The following RAB3B variants were observed in gnomAD, a reference collection of about 807,000 sequenced individuals.
The protein encoded by RAB3B is ras-related protein Rab-3B.
Under a neutral mutation model 20.5 loss-of-function variants are expected in RAB3B, and 11 were observed. The ratio of observed to expected loss-of-function variants is 0.54; its 90% CI spans 0.34 to 0.89. The LOEUF (loss-of-function observed/expected upper bound fraction) is 0.89, where lower values mean the gene tolerates loss of function less well. Among genes scored for constraint, RAB3B ranks in the 40% least tolerant of loss-of-function variants. RAB3B has a pLI of 0.02. For missense variants in RAB3B, 225 were observed against 280.9 expected, an observed-to-expected ratio of 0.80 and a Z score of 1.42; for synonymous variants, 99 against 106.3, an observed-to-expected ratio of 0.93 and a Z score of 0.42.
rs76765191 is a variant in RAB3B, at chr1:51,938,042, G to T, written c.229-630C>A. On this transcript the variant is annotated intron_variant, in intron 2 of 4. Coordinates refer to ENST00000371655, the MANE Select transcript of RAB3B (RefSeq NM_002867.4). ...TTTTAAGACAAAGCCTTACTCTGTT[G>T]CCCAGGCTGAGAGCCCTGGCACAAT... Among the ~76,000 whole-genome samples the T allele has an allele frequency of 1.2e-3, 125 of 106,960 alleles. 2 individuals are homozygous for T. The East Asian group carries it at 0.031, about 27-fold the overall frequency. The allele number at this position is 106,960 out of a possible 152,430, so 70.2% of individuals were successfully genotyped here.
intron 4 of RAB3B, among the ~76,000 whole-genome samples, chr1:51,932,218 C>A (rs1220483868): frequency 6.6e-6 from 1 of 152,038 alleles, no homozygotes; most frequent in Non-Finnish European, 1.5e-5. Flanking sequence ...ACCTATAAGC[C>A]CAAATATCTG....
chr1:51,979,457 G>A (rs539861231), intron 1 of RAB3B, among the ~76,000 whole-genome samples: 1 of 151,868 alleles, frequency 6.6e-6, no homozygotes, highest in African/African-American at 2.4e-5. Context: ...TTTTAGTAGA[G>A]ACGGGGTTTT....
chr1:51,912,575 AT>A lies in RAB3B; in HGVS notation c.*7351del, dbSNP rs56281703. 1 of 87,928 alleles carries A rather than the reference AT, an allele frequency of 1.1e-5. No individual in the cohort carries two copies. The highest frequency in any genetic ancestry group is 1.2e-4 in the Admixed American group (1 of 8,110). 5.4% of individuals were successfully genotyped at this position (87,928 alleles called of 1,614,324 possible). ...AAAAAATATATATATATATATATAT[AT>A]ATATATATATATATATATATATATA... On this transcript the variant is annotated 3_prime_UTR_variant, in exon 5 of 5. Coordinates refer to ENST00000371655, the MANE Select transcript of RAB3B (RefSeq NM_002867.4).
At position 51,966,406 on chromosome 1, in the gene RAB3B, A is replaced by T. The variant is rs898066854; in HGVS notation, c.228+10484T>A. ...CTCGCATATAATATGTACATGACAC[A>T]TGTTTATTGAATGGATTAATGAATA... On this transcript the variant is annotated intron_variant, in intron 2 of 4. Coordinates refer to ENST00000371655, the MANE Select transcript of RAB3B (RefSeq NM_002867.4). Among the ~76,000 whole-genome samples the T allele has an allele frequency of 2.6e-5, 4 of 152,164 alleles. No individual in the cohort carries two copies. In the East Asian group the frequency reaches 7.7e-4, roughly 29 times the overall value.
chr1:51,945,812 T>C (rs1323836715), intron 2 of RAB3B, among the ~76,000 whole-genome samples: 1 of 152,170 alleles, frequency 6.6e-6, no homozygotes, highest in Non-Finnish European at 1.5e-5. Context: ...ACATGACCTG[T>C]TAGAAAGAGA....
chr1:51,921,494 TC>T (rs765654183), intron 4 of RAB3B, among the ~76,000 whole-genome samples: 12 of 152,102 alleles, frequency 7.9e-5, no homozygotes, highest in Non-Finnish European at 1.8e-4. Context: ...GCCTCTCATT[TC>T]TTCCCCCTTT....
chr1:51,986,609 T>G (rs2124322797), intron 1 of RAB3B, among the ~76,000 whole-genome samples: 1 of 151,936 alleles, frequency 6.6e-6, no homozygotes, highest in South Asian at 2.1e-4. Flanking sequence ...TGAGACCCTA[T>G]CTCTAAAAAT....
intron 3 of RAB3B, among the ~76,000 whole-genome samples, chr1:51,934,005 C>T (rs970303075): frequency 1.3e-5 from 2 of 152,174 alleles, no homozygotes; most frequent in African/African-American, 4.8e-5. Context: ...TTTTTGAAGT[C>T]CACCTCTACC....
At position 51,918,366 on chromosome 1, in the gene RAB3B, G is replaced by A. The variant is rs1243257984; in HGVS notation, c.*1561C>T. Reference sequence around the variant, plus strand: ...GAGGAAAAGGGCAGGATAGGGAGAAGACCCTATGAAGAACAGCAGATGGAA... The same window carrying A: ...GAGGAAAAGGGCAGGATAGGGAGAAAACCCTATGAAGAACAGCAGATGGAA... On this transcript the variant is annotated 3_prime_UTR_variant, in exon 5 of 5. Transcript: ENST00000371655. The A allele has an allele frequency of 6.6e-6, 1 of 152,230 alleles. No homozygotes were observed. Among genetic ancestry groups the A allele is most frequent in the Non-Finnish European group, 1.5e-5 (1 of 68,056 alleles). The allele number at this position is 152,230 out of a possible 1,614,324, so 9.4% of individuals were successfully genotyped here. A position where few individuals can be genotyped will look rare whatever the true frequency, so the allele number is the denominator to read the frequency against.
At chr1:51,956,698 A>G (rs368378128) in intron 2 of RAB3B, among the ~76,000 whole-genome samples, 1 of 152,122 alleles carries the variant, frequency 6.6e-6, no homozygotes, top group South Asian at 2.1e-4. Context: ...TACCATTCCA[A>G]TTCAGCTCAA....
In RAB3B at chr1:51,912,579, A is replaced by T. The variant is rs1571951403; in HGVS notation, c.*7348T>A. The T allele has an allele frequency of 2.1e-5, 2 of 96,550 alleles. 1 individual carries two copies. Among genetic ancestry groups the T allele is most frequent in the Non-Finnish European group, 4.1e-5 (2 of 48,674 alleles). The allele number at this position is 96,550 out of a possible 1,614,324, so 6.0% of individuals were successfully genotyped here. ...AATATATATATATATATATATATATATATATATATATATATATATATAAAA... is the reference window on the plus strand; with the variant it reads ...AATATATATATATATATATATATATTTATATATATATATATATATATAAAA... On this transcript the variant is annotated 3_prime_UTR_variant, in exon 5 of 5. Transcript: ENST00000371655.
intron 4 of RAB3B, among the ~76,000 whole-genome samples, chr1:51,932,140 C>T (rs1251234395): frequency 6.6e-6 from 1 of 152,170 alleles, no homozygotes; most frequent in Non-Finnish European, 1.5e-5. Context: ...AACACACACA[C>T]ACCCACATAC....
chr1:51,976,950 G>A lies in RAB3B; in HGVS notation c.168C>T (p.Gly56=). 6.2e-7 allele frequency: 1 copy of A among 1,614,182 alleles called. No homozygotes were observed. Among genetic ancestry groups the A allele is most frequent in the Non-Finnish European group, 8.5e-7 (1 of 1,180,044 alleles). The stretch of plus-strand genomic sequence containing the variant: ...AGACTGTCTTCACCTTGAAGTCGAT[G>A]CCCACGGTGCTAACGAAGGCTGGGG... ...TFTPAFVSTV[G]IDFKVKTVYR... Residue 56 remains glycine, a synonymous_variant, in exon 2 of 5, where the codon GGC becomes GGT. Coordinates refer to ENST00000371655, the MANE Select transcript of RAB3B (RefSeq NM_002867.4).
intron 2 of RAB3B, among the ~76,000 whole-genome samples, chr1:51,972,105 G>A (rs1180090412): frequency 6.6e-6 from 1 of 152,176 alleles, no homozygotes; most frequent in East Asian, 1.9e-4. Flanking sequence ...AACCCGGGAG[G>A]TGGAGGTTGC....
chr1:51,976,024 T>A (rs1321199671), intron 2 of RAB3B, among the ~76,000 whole-genome samples: 7 of 151,358 alleles, frequency 4.6e-5, no homozygotes, highest in Non-Finnish European at 1.5e-5. Context: ...AGCTCCAGTG[T>A]ATGTTTCAGA....
At chr1:51,975,863 G>C (rs1685002080) in intron 2 of RAB3B, among the ~76,000 whole-genome samples, 1 of 152,054 alleles carries the variant, frequency 6.6e-6, no homozygotes, top group South Asian at 2.1e-4. Flanking sequence ...ATGGTGGCGG[G>C]CACCTGTAGT....
At chr1:51,940,733 G>A (rs1287292634) in intron 2 of RAB3B, among the ~76,000 whole-genome samples, 4 of 152,226 alleles carry the variant, frequency 2.6e-5, no homozygotes, top group Admixed American at 2.6e-4. Context: ...GATAGGCTGG[G>A]TTCTTCAGGA....
At chr1:51,926,833 G>C (rs1378065203) in intron 4 of RAB3B, among the ~76,000 whole-genome samples, 1 of 152,112 alleles carries the variant, frequency 6.6e-6, no homozygotes, top group Non-Finnish European at 1.5e-5. Flanking sequence ...GAAAATAAAG[G>C]CACAGAAGTG....
chr1:51,966,372 T>C (rs1236345488), intron 2 of RAB3B, among the ~76,000 whole-genome samples: 2 of 152,228 alleles, frequency 1.3e-5, no homozygotes, highest in Non-Finnish European at 2.9e-5. Context: ...TGCCCTCTCA[T>C]GACAGTGCCT....
Sources: allele counts gnomAD v4.1 joint callset (sites outside exome capture counted in the v4.1 genomes callset), GRCh38; gene constraint gnomAD v4.1.1; transcripts MANE v1.5; gene names NCBI Gene and HGNC (gene_info 2026-07-23, HGNC 2026-07-21).